PRSS23: variants seen among roughly 807,000 people sequenced by gnomAD.
PRSS23 encodes protease, serine 23.
PRSS23 carries 25 observed loss-of-function variants against 34.7 expected under a neutral mutation model. That is an observed-to-expected ratio of 0.72 (90% CI 0.53 to 1.01). The LOEUF (loss-of-function observed/expected upper bound fraction) is 1.01, where lower values mean the gene tolerates loss of function less well. Ranked by LOEUF, PRSS23 falls within the 50% of genes least tolerant of loss-of-function variation. The pLI is 0.00. For missense variants in PRSS23, 445 were observed against 475.6 expected (o/e 0.94, Z 0.60); for synonymous variants, 176 against 186.6 (o/e 0.94, Z 0.46).
At chr11:86,938,955 G>T in intron 2 of PRSS23, 3 of 419,092 alleles carry the variant, frequency 7.2e-6, no homozygotes. Context: ...AGCCAAATGG[G>T]AGGAGGCCTT....
intron 1 of PRSS23, among the ~76,000 whole-genome samples, chr11:86,801,070 A>G (rs981075406): frequency 6.6e-6 from 1 of 152,080 alleles, no homozygotes; most frequent in Non-Finnish European, 1.5e-5. Context: ...GATTCCATCA[A>G]GTTCTGAATA....
intron 2 of PRSS23, among the ~76,000 whole-genome samples, chr11:86,872,306 A>C (rs938187803): frequency 6.6e-6 from 1 of 152,266 alleles, no homozygotes; most frequent in African/African-American, 2.4e-5. Flanking sequence ...TAAAATACAG[A>C]AACTATTTTC....
chr11:86,927,008 A>G (rs182046957), intron 2 of PRSS23, among the ~76,000 whole-genome samples: 1 of 152,300 alleles, frequency 6.6e-6, no homozygotes, highest in East Asian at 1.9e-4. Context: ...ATGTAGTCAG[A>G]TAGGGTTACC....
chr11:86,865,313 T>G (rs1359345770), intron 2 of PRSS23, among the ~76,000 whole-genome samples: 1 of 152,228 alleles, frequency 6.6e-6, no homozygotes, highest in African/African-American at 2.4e-5. Context: ...TTTCAGTGTA[T>G]GCTTGTGGGG....
At chr11:86,934,846 T>C (rs577456410) in intron 2 of PRSS23, 5 of 152,366 alleles carry the variant, frequency 3.3e-5, no homozygotes, top group Non-Finnish European at 5.9e-5. Context: ...GAGGGGATCC[T>C]AAACTATCCC....
downstream of PRSS23, among the ~76,000 whole-genome samples, chr11:86,813,282 T>C (rs888107809): frequency 2.0e-5 from 3 of 152,208 alleles, no homozygotes; most frequent in African/African-American, 7.2e-5. Flanking sequence ...CTCATAGGCT[T>C]GCTATACCTG....
chr11:86,832,823 A>G, intron 2 of PRSS23: 1 of 302,352 alleles, frequency 3.3e-6, no homozygotes, highest in Non-Finnish European at 6.4e-6. Context: ...GATCCGTGAG[A>G]TAGGAAGAAA....
At chr11:86,832,039 T>C (rs1293322303) in intron 2 of PRSS23, among the ~76,000 whole-genome samples, 1 of 151,442 alleles carries the variant, frequency 6.6e-6, no homozygotes, top group Non-Finnish European at 1.5e-5. Flanking sequence ...ATATCCGAGG[T>C]AAATGTTACT....
intron 2 of PRSS23, among the ~76,000 whole-genome samples, chr11:86,874,331 A>T (rs1948708420): frequency 6.6e-6 from 1 of 152,208 alleles, no homozygotes. Flanking sequence ...ACGCAGTTAA[A>T]TTTGAATTTG....
At chr11:86,802,477 G>A (rs1452352130) in intron 1 of PRSS23, among the ~76,000 whole-genome samples, 1 of 152,280 alleles carries the variant, frequency 6.6e-6, no homozygotes, top group South Asian at 2.1e-4. Flanking sequence ...CACAGAGCTT[G>A]GTTCATTCTT....
chr11:86,901,863 A>G (rs1377682102), intron 2 of PRSS23, among the ~76,000 whole-genome samples: 3 of 152,098 alleles, frequency 2.0e-5, no homozygotes, highest in Non-Finnish European at 2.9e-5. Flanking sequence ...TCCACTAATT[A>G]TACATTATTA....
chr11:86,883,540 C>G (rs1257527845), intron 2 of PRSS23, among the ~76,000 whole-genome samples: 1 of 151,964 alleles, frequency 6.6e-6, no homozygotes, highest in Non-Finnish European at 1.5e-5. Context: ...CTATAAAAAC[C>G]CTGGAAGACA....
At chr11:86,867,889 AAAT>A (rs1305421778) in intron 2 of PRSS23, among the ~76,000 whole-genome samples, 3 of 151,862 alleles carry the variant, frequency 2.0e-5, no homozygotes, top group East Asian at 3.9e-4. Flanking sequence ...AAAAAAAAAA[AAAT>A]ACAACAGAGG....
upstream of PRSS23, chr11:86,800,451 G>C (rs1482436714): frequency 1.0e-6 from 1 of 983,974 alleles, no homozygotes; most frequent in Non-Finnish European, 1.2e-6. Context: ...GCGTCCGCGC[G>C]GCTTCCCCGA....
intron 2 of PRSS23, among the ~76,000 whole-genome samples, chr11:86,839,028 G>A (rs1028459675): frequency 1.7e-4 from 25 of 151,208 alleles, no homozygotes; most frequent in Non-Finnish European, 2.9e-5. Context: ...CAAAGATAGG[G>A]AGAAACCAGA....
chr11:86,898,157 A>T lies in PRSS23; in HGVS notation c.207-53059A>T, dbSNP rs550247426. ...ATTTAAACCCCAGGGCAGATATTTC[A>T]TTTCGATGAGAACCTAATGGTTATA... On this transcript the variant is annotated intron_variant, in intron 2 of 2. Transcript: ENST00000533902. 4.3e-4 allele frequency among the ~76,000 whole-genome samples: 66 copies of T among 152,310 alleles called. 1 individual carries two copies. The highest frequency in any genetic ancestry group is 2.7e-3 in the Admixed American group (42 of 15,308).
chr11:86,874,772 A>C (rs1948711245), intron 2 of PRSS23, among the ~76,000 whole-genome samples: 1 of 152,200 alleles, frequency 6.6e-6, no homozygotes, highest in East Asian at 1.9e-4. Context: ...AGGATGGCTT[A>C]TCTCTGCTCC....
chr11:86,849,351 G>A (rs182249119), intron 2 of PRSS23, among the ~76,000 whole-genome samples: 1 of 152,314 alleles, frequency 6.6e-6, no homozygotes, highest in East Asian at 1.9e-4. Flanking sequence ...TTATTAAGGA[G>A]AGACATATTA....
At chr11:86,879,228 C>G (rs1362414489) in intron 2 of PRSS23, among the ~76,000 whole-genome samples, 2 of 146,500 alleles carry the variant, frequency 1.4e-5, no homozygotes, top group African/African-American at 5.1e-5. Flanking sequence ...AGCGCCTCTG[C>G]CCCGCCGCCC....
Sources: allele counts gnomAD v4.1 joint callset (sites outside exome capture counted in the v4.1 genomes callset), GRCh38; gene constraint gnomAD v4.1.1; transcripts MANE v1.5; gene names NCBI Gene and HGNC (gene_info 2026-07-23, HGNC 2026-07-21).